GALP: variants seen among roughly 807,000 people sequenced by gnomAD.
GALP encodes the protein galanin-like peptide.
A neutral mutation model predicts 15.2 loss-of-function variants in GALP; 12 were observed. The observed-to-expected ratio is 0.79, with a 90% confidence interval of 0.51 to 1.28. The LOEUF (loss-of-function observed/expected upper bound fraction) is 1.28. Ranked by LOEUF, GALP falls within the 50% of genes most tolerant of loss-of-function variation. The pLI is 0.00. For missense variants in GALP, 161 were observed against 145.6 expected, an observed-to-expected ratio of 1.11 and a Z score of -0.55; for synonymous variants, 58 against 55.1, an observed-to-expected ratio of 1.05 and a Z score of -0.23.
At position 56,180,643 on chromosome 19, in the gene GALP, G is replaced by A; in HGVS notation, c.136+9G>A. ...CTACCTTCTGGGTCCCGGTGAGTGA[G>A]GCTGCGCTCAGCTCTCCATCCCTGG... On this transcript the variant is annotated intron_variant, in intron 3 of 5. Coordinates refer to ENST00000357330, the MANE Select transcript of GALP (RefSeq NM_033106.4). The A allele has an allele frequency of 1.9e-6, 3 of 1,611,596 alleles. No homozygotes were observed. Among genetic ancestry groups the A allele is most frequent in the Middle Eastern group, 1.7e-4 (1 of 6,060 alleles).
At chr19:56,178,521 C>CAAAAAAAAAAAAAAAAAAAAAAAA (rs80223966) in intron 2 of GALP, among the ~76,000 whole-genome samples, 1 of 85,770 alleles carries the variant, frequency 1.2e-5, no homozygotes, top group Non-Finnish European at 2.3e-5. Flanking sequence ...ACAACAACAA[C>CAAAAAAAAAAAAAAAAAAAAAAAA]AAAAAAAAAA....
intron 2 of GALP, among the ~76,000 whole-genome samples, chr19:56,179,657 T>TC (rs2032529106): frequency 6.9e-6 from 1 of 144,362 alleles, no homozygotes. Flanking sequence ...TTTTTTTTTT[T>TC]CTTTGAGACA....
At chr19:56,180,903 CTTTCTTTCTTTCTTTTTTTTT>C (rs1187089320) in intron 3 of GALP, among the ~76,000 whole-genome samples, 3 of 83,176 alleles carry the variant, frequency 3.6e-5, no homozygotes, top group Non-Finnish European at 6.7e-5. Flanking sequence ...TTCTTTCTTT[CTTTCTTTCTTTCTTTTTTTTT>C]TTTTTTTTTT....
At chr19:56,180,154 C>A (rs112067636) in intron 2 of GALP, among the ~76,000 whole-genome samples, 4 of 152,338 alleles carry the variant, frequency 2.6e-5, no homozygotes, top group African/African-American at 9.6e-5. Context: ...CTCAAGCCAT[C>A]CTTCTGCTTC....
At chr19:56,183,297 G>A in intron 5 of GALP, 85 bp downstream of exon 5, 1 of 1,164,484 alleles carries the variant, frequency 8.6e-7, no homozygotes, top group Non-Finnish European at 1.3e-6. Flanking sequence ...GGTAAAGGAA[G>A]AAAGGAAGGA....
Position 56,182,259 on chromosome 19 carries a change from G to A in GALP, c.217+7G>A, listed in dbSNP as rs753750615. The A allele has an allele frequency of 1.9e-6, 3 of 1,608,040 alleles. No individual in the cohort carries two copies. Among genetic ancestry groups the A allele is most frequent in the Admixed American group, 3.3e-5 (2 of 59,980 alleles). ...GACCTGTGGAAGGCCATCGGTGAGT[G>A]AGCGGGGAGTTAGACGTCTTCTCCT... is the stretch of plus-strand genomic sequence containing the variant. On this transcript the variant is annotated splice_region_variant and intron_variant, in intron 4 of 5. Transcript: ENST00000357330.
intron 2 of GALP, among the ~76,000 whole-genome samples, chr19:56,178,342 A>C (rs940335345): frequency 4.0e-5 from 6 of 151,788 alleles, no homozygotes; most frequent in African/African-American, 1.5e-4. Context: ...GCGTGACTGT[A>C]GTCCGAGCTA....
chr19:56,177,718 T>A (rs944388640), intron 2 of GALP, among the ~76,000 whole-genome samples: 1 of 151,964 alleles, frequency 6.6e-6, no homozygotes, highest in African/African-American at 2.4e-5. Context: ...AGAGGCTGGG[T>A]TGAGTTTGAA....
At chr19:56,181,031 G>A (rs992909577) in intron 3 of GALP, among the ~76,000 whole-genome samples, 22 of 148,282 alleles carry the variant, frequency 1.5e-4, no homozygotes, top group Non-Finnish European at 2.5e-4. Flanking sequence ...TAGTTTAAGC[G>A]ATTCTCCTCC....
At chr19:56,176,443 C>T (rs112036830) in intron 1 of GALP, among the ~76,000 whole-genome samples, 4 of 81,604 alleles carry the variant, frequency 4.9e-5, no homozygotes, top group Admixed American at 1.5e-4. Context: ...GGCAGAGGGG[C>T]GGATGCCAGC....
chr19:56,182,501 T>G (rs2032584495), intron 4 of GALP, among the ~76,000 whole-genome samples: 1 of 152,184 alleles, frequency 6.6e-6, no homozygotes, highest in Non-Finnish European at 1.5e-5. Context: ...GTGTTTTCTC[T>G]GCATCAGACC....
chr19:56,180,366 C>T (rs115956458), intron 2 of GALP, among the ~76,000 whole-genome samples: 4,619 of 152,278 alleles, frequency 0.03, 246 homozygotes, highest in African/African-American at 0.11. Context: ...CAATAACCAC[C>T]TTTCTCCTCT....
intron 1 of GALP, among the ~76,000 whole-genome samples, 197 bp downstream of exon 1, chr19:56,176,259 C>G (rs1210649301): frequency 7.1e-6 from 1 of 141,324 alleles, no homozygotes; most frequent in Admixed American, 7.1e-5. Flanking sequence ...CCAGCTGCAG[C>G]GGGGTGAGAG....
At chr19:56,176,682 G>A (rs960116738) in intron 1 of GALP, among the ~76,000 whole-genome samples, 15 of 151,898 alleles carry the variant, frequency 9.9e-5, no homozygotes, top group Admixed American at 2.0e-4. Context: ...TAGGCCAGGA[G>A]GGCAGAGGGG....
chr19:56,183,151 C>T lies in GALP; in HGVS notation c.234C>T (p.Ser78=). The part of the protein sequence containing the change: ...LWKAIDGLPY[S]HPPQPSKRNV... ...TGTTTCTAGACGGGCTCCCCTACTC[C>T]CACCCTCCACAGCCCTCCAAGAGGA... is the stretch of plus-strand genomic sequence containing the variant. The change falls in exon 5 of 6, where the codon TCC becomes TCT. Residue 78 remains serine, a synonymous_variant. Coordinates refer to ENST00000357330, the MANE Select transcript of GALP (RefSeq NM_033106.4). The T allele has an allele frequency of 3.1e-6, 5 of 1,613,370 alleles. No homozygotes were observed. Among genetic ancestry groups the T allele is most frequent in the Non-Finnish European group, 4.2e-6 (5 of 1,179,360 alleles).
At chr19:56,183,699 G>A (rs1033485282) in intron 5 of GALP, among the ~76,000 whole-genome samples, 1 of 152,172 alleles carries the variant, frequency 6.6e-6, no homozygotes, top group African/African-American at 2.4e-5. Context: ...CCGTGTTCAA[G>A]CGATTCTTCT....
At chr19:56,182,373 C>A in intron 4 of GALP, 121 bp downstream of exon 4, 2 of 670,644 alleles carry the variant, frequency 3.0e-6, no homozygotes, top group Non-Finnish European at 5.1e-6. Flanking sequence ...TTTGGGGGGC[C>A]CTGGGCAAGT....
Position 56,185,104 on chromosome 19 carries a change from C to A in GALP, c.296-111C>A, listed in dbSNP as rs148032416. On this transcript the variant is annotated intron_variant, in intron 5 of 5. Transcript: ENST00000357330. Reference sequence around the variant, plus strand: ...TCACCTGAGGTCAGGAGTTCAAGACCAGCCTGGCCAACATGGTGAAACCCA... The same window carrying A: ...TCACCTGAGGTCAGGAGTTCAAGACAAGCCTGGCCAACATGGTGAAACCCA... 8.3e-3 allele frequency: 5,831 copies of A among 701,068 alleles called. 220 individuals carry two copies. The African/African-American group carries it at 0.089, about 11-fold the overall frequency. 43.4% of individuals were successfully genotyped at this position (701,068 alleles called of 1,614,324 possible).
In GALP at chr19:56,176,968, T is replaced by C. The variant is rs2032474046; in HGVS notation, c.-39-102T>C. On this transcript the variant is annotated intron_variant, in intron 1 of 5. Transcript: ENST00000357330. ...ATTAAATGTGCGCCATTTTTGTATCTCGATGATGCCTCCATAAAGCTAAAA... is the reference window on the plus strand; with the variant it reads ...ATTAAATGTGCGCCATTTTTGTATCCCGATGATGCCTCCATAAAGCTAAAA... The C allele has an allele frequency of 2.1e-5, 13 of 605,282 alleles. No homozygotes were observed. In the South Asian group the frequency reaches 2.3e-4, roughly 11 times the overall value. The allele number at this position is 605,282 out of a possible 1,614,324, so 37.5% of individuals were successfully genotyped here.
Sources: gnomAD v4.1 joint callset for allele counts (sites outside exome capture counted in the v4.1 genomes callset) on GRCh38, gnomAD v4.1.1 for gene constraint, MANE v1.5 for transcripts, NCBI Gene and HGNC (gene_info 2026-07-23, HGNC 2026-07-21) for gene names.